The following TNRC6B variants were observed in gnomAD, a reference collection of about 807,000 sequenced individuals.
TNRC6B encodes trinucleotide repeat-containing gene 6B protein.
Under a neutral mutation model 203.6 loss-of-function variants are expected in TNRC6B, and 52 were observed. The ratio of observed to expected loss-of-function variants is 0.26; its 90% CI spans 0.20 to 0.32. TNRC6B has a LOEUF of 0.32. TNRC6B is among the 10% of genes least tolerant of loss of function. The pLI, the probability that TNRC6B is intolerant of heterozygous loss-of-function variation, is 1.00. For missense variants in TNRC6B, 1,923 were observed against 2,286.2 expected (o/e 0.84, Z 3.24); for synonymous variants, 838 against 845.7 (o/e 0.99, Z 0.16).
intron 1 of TNRC6B, among the ~76,000 whole-genome samples, chr22:40,181,098 T>C (rs2069123621): frequency 6.6e-6 from 1 of 152,214 alleles, no homozygotes; most frequent in East Asian, 1.9e-4. Context: ...ATCTTTGATA[T>C]ATGGTGCAAA....
chr22:40,300,752 G>C, intron 13 of TNRC6B, 158 bp from the exon 14 acceptor site: 1 of 1,227,082 alleles, frequency 8.1e-7, no homozygotes, highest in Non-Finnish European at 1.1e-6. Context: ...AGCTCAACTG[G>C]AGGAAAATGT....
chr22:40,125,720 A>AC (rs1290247000), intron 2 of TNRC6B: 50 of 1,429,376 alleles, frequency 3.5e-5, no homozygotes, highest in Non-Finnish European at 4.6e-5. Flanking sequence ...TTGAAAAAAA[A>AC]ATTTTTTTGC....
At chr22:40,193,269 C>T (rs903607121) in intron 1 of TNRC6B, among the ~76,000 whole-genome samples, 1 of 152,168 alleles carries the variant, frequency 6.6e-6, no homozygotes, top group Non-Finnish European at 1.5e-5. Flanking sequence ...TGTTCATCAG[C>T]GTCACCCCAG....
chr22:40,172,814 G>A (rs2069014948), intron 4 of TNRC6B, among the ~76,000 whole-genome samples: 1 of 152,132 alleles, frequency 6.6e-6, no homozygotes, highest in Non-Finnish European at 1.5e-5. Flanking sequence ...TGTCTTAGTG[G>A]CTCATTCTTT....
Position 40,279,900 on chromosome 22 carries a change from C to CA in TNRC6B, c.3263-94dup, listed in dbSNP as rs2070701267. 11 of 1,061,572 alleles carry CA rather than the reference C, an allele frequency of 1.0e-5. No individual in the cohort carries two copies. The East Asian group carries it at 2.6e-4, about 25-fold the overall frequency. 65.8% of individuals were successfully genotyped at this position (1,061,572 alleles called of 1,614,324 possible). Reference sequence around the variant, plus strand: ...AATAGAAATATTAATAGCTTATACCCAGCACCCCCATGAGGATAGTGGGGC... The same window carrying CA: ...AATAGAAATATTAATAGCTTATACCCAAGCACCCCCATGAGGATAGTGGGGC... On this transcript the variant is annotated intron_variant, in intron 9 of 22. Coordinates refer to ENST00000454349, the MANE Select transcript of TNRC6B (RefSeq NM_001162501.2).
Position 40,091,871 on chromosome 22 carries a change from A to G in TNRC6B, c.-120-25184A>G, listed in dbSNP as rs1417184064. Among the ~76,000 whole-genome samples, 7 of 152,316 alleles carry G rather than the reference A, an allele frequency of 4.6e-5. No individual in the cohort carries two copies. In the South Asian group the frequency reaches 1.0e-3, roughly 23 times the overall value. On this transcript the variant is annotated intron_variant, in intron 1 of 23. Coordinates refer to the TNRC6B transcript ENST00000301923. ...TTTATAACCACAAACTGGCCCGTGT[A>G]TGGGTGTGAGACTTGAATTCATACT... is the stretch of plus-strand genomic sequence containing the variant.
At position 40,281,239 on chromosome 22, in the gene TNRC6B, C is replaced by G; in HGVS notation, c.3532C>G (p.Leu1178Val). The G allele has an allele frequency of 1.3e-6, 2 of 1,551,222 alleles. No individual in the cohort carries two copies. Among genetic ancestry groups the G allele is most frequent in the Non-Finnish European group, 1.7e-6 (2 of 1,146,802 alleles). Reference protein sequence around the residue: ...PSGSTLPNVSLGAIGTGLNPQ... With the variant: ...PSGSTLPNVSVGAIGTGLNPQ... ...TGGTTCCACACTACCCAACGTCAGCCTTGGAGCAATCGGCACAGGGCTCAA... is the reference window on the plus strand; with the variant it reads ...TGGTTCCACACTACCCAACGTCAGCGTTGGAGCAATCGGCACAGGGCTCAA... The change falls in exon 11 of 23, where the codon CTT (leucine) becomes GTT (valine). Residue 1178 changes from leucine to valine, a missense_variant. By Grantham distance (32) the Leu-to-Val change is conservative (BLOSUM62 1). This residue lies in a region of TNRC6B where 599 missense variants were observed against 656.5 expected (regional missense o/e 0.91). Coordinates refer to ENST00000454349, the MANE Select transcript of TNRC6B (RefSeq NM_001162501.2).
rs1288406600 is a variant in TNRC6B, at chr22:40,328,991, G to C, written c.*5750G>C. ...AAGTTTTGTCACACTTCATGTGTAT[G>C]CATTAACTATACTTCTTAGTGTTAC... On this transcript the variant is annotated 3_prime_UTR_variant, in exon 23 of 23. Coordinates refer to ENST00000454349, the MANE Select transcript of TNRC6B (RefSeq NM_001162501.2). The C allele has an allele frequency of 2.0e-5, 3 of 151,068 alleles. No individual in the cohort carries two copies. The highest frequency in any genetic ancestry group is 7.3e-5 in the African/African-American group (3 of 40,880). 9.4% of individuals were successfully genotyped at this position (151,068 alleles called of 1,614,324 possible).
rs368999715 is a variant in TNRC6B at position 40,266,437 on chromosome 22, G to A, written c.2207G>A (p.Arg736His). 20 of 1,613,740 alleles carry A rather than the reference G, an allele frequency of 1.2e-5. 1 individual carries two copies. In the Middle Eastern group the frequency reaches 4.9e-4, roughly 40 times the overall value. The part of the protein sequence containing the change: ...PSKDQGWGGG[R>H]QPNQGWSSGK... ...AAGGATCAGGGGTGGGGAGGTGGACGCCAGCCCAATCAAGGATGGTCTTCT... is the reference window on the plus strand; with the variant it reads ...AAGGATCAGGGGTGGGGAGGTGGACACCAGCCCAATCAAGGATGGTCTTCT... The change falls in exon 5 of 23, where the codon CGC becomes CAC. Residue 736 changes from arginine to histidine, a missense_variant. By Grantham distance (29) the Arg-to-His change is conservative. Coordinates refer to ENST00000454349, the MANE Select transcript of TNRC6B (RefSeq NM_001162501.2).
intron 3 of TNRC6B, among the ~76,000 whole-genome samples, chr22:40,257,673 G>A (rs1052937814): frequency 1.3e-5 from 2 of 151,866 alleles, no homozygotes; most frequent in Non-Finnish European, 1.5e-5. Context: ...CCGAGATCAC[G>A]CCACTGTACT....
intron 12 of TNRC6B, among the ~76,000 whole-genome samples, chr22:40,295,684 G>C (rs1049282087): frequency 6.6e-6 from 1 of 151,920 alleles, no homozygotes; most frequent in South Asian, 2.1e-4. Flanking sequence ...TGGATAGTAA[G>C]GGTAAAAGCA....
At position 40,266,453 on chromosome 22, in the gene TNRC6B, A is replaced by T. The variant is rs1267794175; in HGVS notation, c.2223A>T (p.Gly741=). 3.1e-6 allele frequency: 5 copies of T among 1,613,756 alleles called. No homozygotes were observed. Among genetic ancestry groups the T allele is most frequent in the Non-Finnish European group, 4.2e-6 (5 of 1,179,838 alleles). The part of the protein sequence containing the change: ...GWGGGRQPNQ[G]WSSGKNGWGE... ...GAGGTGGACGCCAGCCCAATCAAGG[A>T]TGGTCTTCTGGAAAGAATGGTTGGG... The change falls in exon 5 of 23, where the codon GGA becomes GGT. Residue 741 remains glycine, a synonymous_variant. Transcript: ENST00000454349.
intron 1 of TNRC6B, among the ~76,000 whole-genome samples, chr22:40,219,911 CT>C (rs1159186554): frequency 6.6e-6 from 1 of 152,090 alleles, no homozygotes; most frequent in Non-Finnish European, 1.5e-5. Flanking sequence ...TGATTTTGGT[CT>C]TTTTCTCCTC....
chr22:40,161,719 G>A (rs867423644), intron 4 of TNRC6B, among the ~76,000 whole-genome samples: 1 of 152,158 alleles, frequency 6.6e-6, no homozygotes, highest in East Asian at 1.9e-4. Context: ...GTATATAGCT[G>A]TAAACACTTT....
In TNRC6B at chr22:40,326,047, G is replaced by A. The variant is rs983544128; in HGVS notation, c.*2806G>A. 6.6e-6 allele frequency: 1 copy of A among 152,054 alleles called. No homozygotes were observed. Among genetic ancestry groups the A allele is most frequent in the African/African-American group, 2.4e-5 (1 of 41,274 alleles). 9.4% of individuals were successfully genotyped at this position (152,054 alleles called of 1,614,324 possible). On this transcript the variant is annotated 3_prime_UTR_variant, in exon 23 of 23. Coordinates refer to ENST00000454349, the MANE Select transcript of TNRC6B (RefSeq NM_001162501.2). ...AACTTTAAAAAAAAAAGACCAAAAA[G>A]TGCGTATATATATACATATAAATAT...
intron 1 of TNRC6B, among the ~76,000 whole-genome samples, chr22:40,206,902 C>T (rs766944443): frequency 6.6e-6 from 1 of 152,114 alleles, no homozygotes; most frequent in Non-Finnish European, 1.5e-5. Flanking sequence ...TTAGGGCCGC[C>T]GTAACAAAAT....
chr22:40,243,841 T>C (rs2070066010), intron 1 of TNRC6B, among the ~76,000 whole-genome samples: 1 of 152,200 alleles, frequency 6.6e-6, no homozygotes. Flanking sequence ...CACCTTGGCC[T>C]CCCAAAGTGC....
chr22:40,231,041 GTC>G (rs749467432), intron 1 of TNRC6B, among the ~76,000 whole-genome samples: 7 of 151,420 alleles, frequency 4.6e-5, no homozygotes, highest in Admixed American at 2.6e-4. Context: ...AAAATTGGTT[GTC>G]TCTCTCTCTC....
At chr22:40,069,006 T>C (rs1210702585) in intron 1 of TNRC6B, among the ~76,000 whole-genome samples, 4 of 152,186 alleles carry the variant, frequency 2.6e-5, no homozygotes, top group African/African-American at 9.7e-5. Flanking sequence ...TATGACCACA[T>C]ATTTTTCATG....
Sources: gnomAD v4.1 joint callset for allele counts (sites outside exome capture counted in the v4.1 genomes callset) on GRCh38, gnomAD v4.1.1 for gene constraint, gnomAD v4.1.1 regional missense constraint, MANE v1.5 for transcripts, NCBI Gene and HGNC (gene_info 2026-07-23, HGNC 2026-07-21) for gene names.